The following KIAA1217 variants were observed in gnomAD, a reference collection of about 807,000 sequenced individuals.
The protein encoded by KIAA1217 is sickle tail protein homolog.
KIAA1217 carries 88 observed loss-of-function variants against 163.9 expected under a neutral mutation model. The observed-to-expected ratio is 0.54, with a 90% CI of 0.45 to 0.64. The LOEUF (loss-of-function observed/expected upper bound fraction) is 0.64, where lower values mean the gene tolerates loss of function less well. Among genes scored for constraint, KIAA1217 ranks in the 30% least tolerant of loss-of-function variants. KIAA1217 has a pLI of 0.00. For missense variants in KIAA1217, 2,372 were observed against 2,475.0 expected (o/e 0.96, Z 0.88); for synonymous variants, 903 against 923.1 (o/e 0.98, Z 0.39).
intron 2 of KIAA1217, among the ~76,000 whole-genome samples, chr10:24,056,242 C>T (rs1480904052): frequency 6.6e-6 from 1 of 151,982 alleles, no homozygotes; most frequent in South Asian, 2.1e-4. Context: ...ATGGGAGGAT[C>T]GCTTGAGCCT....
At chr10:24,455,942 GCA>G (rs901538121) in intron 5 of KIAA1217, among the ~76,000 whole-genome samples, 1 of 152,150 alleles carries the variant, frequency 6.6e-6, no homozygotes, top group African/African-American at 2.4e-5. Context: ...AGGCTGGAGT[GCA>G]GTGGTGCAGT....
At chr10:23,806,568 T>C (rs1836753156) in intron 1 of KIAA1217, among the ~76,000 whole-genome samples, 1 of 152,202 alleles carries the variant, frequency 6.6e-6, no homozygotes, top group Non-Finnish European at 1.5e-5. Context: ...AAAAAAATTC[T>C]CAAACATCTG....
intron 2 of KIAA1217, among the ~76,000 whole-genome samples, chr10:24,221,347 C>T (rs1168523157): frequency 6.6e-6 from 1 of 150,782 alleles, no homozygotes; most frequent in Non-Finnish European, 1.5e-5. Flanking sequence ...AAGCACTTAA[C>T]CATATATGTG....
chr10:24,422,886 T>C (rs545447899), intron 3 of KIAA1217, among the ~76,000 whole-genome samples: 391 of 151,154 alleles, frequency 2.6e-3, no homozygotes, highest in African/African-American at 9.1e-3. Flanking sequence ...CTCATATTAC[T>C]TCCTATAGAT....
At chr10:24,123,409 G>A (rs2063356557) in intron 2 of KIAA1217, among the ~76,000 whole-genome samples, 1 of 152,040 alleles carries the variant, frequency 6.6e-6, no homozygotes, top group South Asian at 2.1e-4. Flanking sequence ...ACTGAGGGAA[G>A]TGTGGGTTGT....
intron 1 of KIAA1217, among the ~76,000 whole-genome samples, chr10:23,941,133 C>T (rs946092219): frequency 1.3e-5 from 2 of 152,122 alleles, no homozygotes; most frequent in African/African-American, 4.8e-5. Flanking sequence ...GAGGCAGAGA[C>T]TTCAAATATT....
At chr10:24,309,346 G>GCACA (rs1395014065) in intron 2 of KIAA1217, among the ~76,000 whole-genome samples, 2 of 133,638 alleles carry the variant, frequency 1.5e-5, no homozygotes, top group African/African-American at 5.3e-5. Flanking sequence ...GCGCACGCGC[G>GCACA]CGCGCACACA....
intron 2 of KIAA1217, among the ~76,000 whole-genome samples, chr10:24,061,688 G>T (rs1186978951): frequency 6.6e-6 from 1 of 152,026 alleles, no homozygotes; most frequent in African/African-American, 2.4e-5. Flanking sequence ...TTTTCTTTTA[G>T]CACTTTGAAT....
At chr10:24,146,428 TG>T in intron 2 of KIAA1217, among the ~76,000 whole-genome samples, 1 of 152,214 alleles carries the variant, frequency 6.6e-6, no homozygotes, top group Non-Finnish European at 1.5e-5. Context: ...AGTCCTTAAT[TG>T]GACACAATTT....
At chr10:24,461,327 T>G (rs2062382644) in intron 5 of KIAA1217, among the ~76,000 whole-genome samples, 1 of 152,074 alleles carries the variant, frequency 6.6e-6, no homozygotes, top group South Asian at 2.1e-4. Flanking sequence ...TAACATTCTT[T>G]TTTTGTTTTT....
intron 3 of KIAA1217, among the ~76,000 whole-genome samples, chr10:24,419,599 T>C (rs1372475454): frequency 6.6e-6 from 1 of 152,162 alleles, no homozygotes. Flanking sequence ...TTTGGATCAG[T>C]GCCTGGCACA....
intron 2 of KIAA1217, among the ~76,000 whole-genome samples, chr10:24,173,774 A>C (rs147582451): frequency 2.4e-4 from 37 of 152,352 alleles, no homozygotes; most frequent in African/African-American, 8.7e-4. Flanking sequence ...GTTATCAACT[A>C]CCTTTTTAAT....
intron 1 of KIAA1217, among the ~76,000 whole-genome samples, chr10:23,789,201 G>T (rs867099650): frequency 6.6e-6 from 1 of 152,104 alleles, no homozygotes; most frequent in Admixed American, 6.5e-5. Flanking sequence ...CATAGCTAAG[G>T]CATCAGTATT....
At chr10:24,363,887 G>T (rs544555334) in intron 2 of KIAA1217, among the ~76,000 whole-genome samples, 13 of 150,642 alleles carry the variant, frequency 8.6e-5, no homozygotes, top group African/African-American at 3.2e-4. Context: ...TTTTAATCTT[G>T]ATCTAACCTC....
rs1440456735 is a variant in KIAA1217, at chr10:24,048,736, A to AT, written c.-171+41362_-171+41363insT. ...CAGAGCAAGACTCTGTCTCAAAAAA[A>AT]AAAAAAAATATATTGGCCGGGCGCA... On this transcript the variant is annotated intron_variant, in intron 2 of 18. Coordinates refer to the KIAA1217 transcript ENST00000376462. Among the ~76,000 whole-genome samples, 502 of 147,688 alleles carry AT rather than the reference A, an allele frequency of 3.4e-3. 1 individual carries two copies. Among genetic ancestry groups the AT allele is most frequent in the African/African-American group, 0.012 (480 of 39,018 alleles).
chr10:24,355,728 C>CTTTTTT lies in KIAA1217; in HGVS notation c.355-25108_355-25103dup. 2.8e-3 allele frequency among the ~76,000 whole-genome samples: 89 copies of CTTTTTT among 32,218 alleles called. 38 individuals carry two copies. The highest frequency in any genetic ancestry group is 4.4e-3 in the Non-Finnish European group (62 of 14,002). The allele number at this position is 32,218 out of a possible 152,430, so 21.1% of individuals were successfully genotyped here. On this transcript the variant is annotated intron_variant, in intron 2 of 20. Transcript: ENST00000376454. ...GAGATGAGCATAGCAAGTCCTCACTCTTTTTTTTTTTTTTTTTTTTTTTTT... is the reference window on the plus strand; with the variant it reads ...GAGATGAGCATAGCAAGTCCTCACTCTTTTTTTTTTTTTTTTTTTTTTTTTTTTTTT...
chr10:23,835,934 C>A (rs1202623675), intron 1 of KIAA1217, among the ~76,000 whole-genome samples: 1 of 151,976 alleles, frequency 6.6e-6, no homozygotes, highest in African/African-American at 2.4e-5. Flanking sequence ...TGGATTGTGT[C>A]CCCCCAAAAT....
chr10:23,926,834 T>G lies in KIAA1217; in HGVS notation c.-320-80391T>G, dbSNP rs186281725. ...TTCCTCCCTCTTTTCGATCCTTCAATCTTTATCTCTCTTCCTCTGTGTTTA... is the reference window on the plus strand; with the variant it reads ...TTCCTCCCTCTTTTCGATCCTTCAAGCTTTATCTCTCTTCCTCTGTGTTTA... On this transcript the variant is annotated intron_variant, in intron 1 of 18. Transcript: ENST00000376462. Among the ~76,000 whole-genome samples, 292 of 152,304 alleles carry G rather than the reference T, an allele frequency of 1.9e-3. 2 individuals carry two copies. Among genetic ancestry groups the G allele is most frequent in the African/African-American group, 6.5e-3 (271 of 41,568 alleles).
At chr10:24,377,896 C>T (rs899897744) in intron 2 of KIAA1217, among the ~76,000 whole-genome samples, 8 of 152,104 alleles carry the variant, frequency 5.3e-5, no homozygotes, top group Non-Finnish European at 8.8e-5. Context: ...TTATCCCAAA[C>T]TAGTGCAAGA....
Sources: gnomAD v4.1 joint callset for allele counts (sites outside exome capture counted in the v4.1 genomes callset) on GRCh38, gnomAD v4.1.1 for gene constraint, MANE v1.5 for transcripts, NCBI Gene and HGNC (gene_info 2026-07-23, HGNC 2026-07-21) for gene names.